Variants in PRKG1 observed in about 807,000 individuals in gnomAD.
PRKG1 encodes protein kinase cGMP-dependent 1, also known as cGMP-dependent protein kinase 1.
In PRKG1, 35 loss-of-function variants were observed where a neutral mutation model predicts 88.1. The observed-to-expected ratio is 0.40, with a 90% CI of 0.30 to 0.53. The LOEUF is 0.53. Among genes scored for constraint, PRKG1 ranks in the 20% least tolerant of loss-of-function variants. The pLI is 0.59. For missense variants in PRKG1, 540 were observed against 839.8 expected (o/e 0.64, Z 4.41); for synonymous variants, 303 against 292.5 (o/e 1.04, Z -0.37).
At chr10:51,636,010 G>T (rs536736604) in intron 3 of PRKG1, among the ~76,000 whole-genome samples, 4 of 152,082 alleles carry the variant, frequency 2.6e-5, no homozygotes, top group Non-Finnish European at 5.9e-5. Flanking sequence ...AATAAATCAG[G>T]AAATCTATGG....
At chr10:51,417,701 T>C (rs554688436) in intron 2 of PRKG1, among the ~76,000 whole-genome samples, 8 of 152,314 alleles carry the variant, frequency 5.3e-5, no homozygotes, top group Middle Eastern at 3.4e-3. Flanking sequence ...TTTTCCCCTA[T>C]GCCATTTTTG....
intron 4 of PRKG1, among the ~76,000 whole-genome samples, chr10:51,882,224 T>C (rs1426298131): frequency 6.6e-6 from 1 of 152,226 alleles, no homozygotes; most frequent in Non-Finnish European, 1.5e-5. Flanking sequence ...TGTTAGAAGC[T>C]GAGATTCCCA....
chr10:52,199,503 T>C (rs1167024619), intron 9 of PRKG1, among the ~76,000 whole-genome samples: 1 of 152,176 alleles, frequency 6.6e-6, no homozygotes, highest in Admixed American at 6.5e-5. Context: ...TTTGTTTATA[T>C]TTTAGGGAAA....
intron 5 of PRKG1, among the ~76,000 whole-genome samples, chr10:51,969,754 A>G (rs140606528): frequency 3.0e-4 from 46 of 152,126 alleles, no homozygotes; most frequent in African/African-American, 1.1e-3. Flanking sequence ...TAAAATATAA[A>G]TATTCACAAC....
At chr10:52,232,811 G>A (rs1032016121) in intron 9 of PRKG1, among the ~76,000 whole-genome samples, 1 of 152,178 alleles carries the variant, frequency 6.6e-6, no homozygotes, top group African/African-American at 2.4e-5. Flanking sequence ...CTCAGGACAA[G>A]TTTCTAAGGC....
At chr10:51,753,031 T>TA (rs1234176842) in intron 3 of PRKG1, among the ~76,000 whole-genome samples, 3 of 152,152 alleles carry the variant, frequency 2.0e-5, no homozygotes, top group Non-Finnish European at 2.9e-5. Context: ...ATGTGTCTGT[T>TA]ACTTGAGTAA....
intron 5 of PRKG1, among the ~76,000 whole-genome samples, chr10:52,003,454 G>A (rs1844650794): frequency 6.6e-6 from 1 of 152,140 alleles, no homozygotes; most frequent in Admixed American, 6.6e-5. Flanking sequence ...GAAACAACTT[G>A]GCTATGAAAC....
intron 7 of PRKG1, among the ~76,000 whole-genome samples, chr10:52,074,444 A>C (rs1207908956): frequency 6.6e-6 from 1 of 152,176 alleles, no homozygotes; most frequent in Non-Finnish European, 1.5e-5. Context: ...TACTTATAAA[A>C]ACAATTCAGT....
At position 52,227,371 on chromosome 10, in the gene PRKG1, A is replaced by C. The variant is rs144867081; in HGVS notation, c.1077-24199A>C. Among the ~76,000 whole-genome samples, 668 of 152,238 alleles carry C rather than the reference A, an allele frequency of 4.4e-3. 6 individuals carry two copies. The highest frequency in any genetic ancestry group is 0.015 in the African/African-American group (636 of 41,534). On this transcript the variant is annotated intron_variant, in intron 9 of 17. Coordinates refer to ENST00000373980, the MANE Select transcript of PRKG1 (RefSeq NM_006258.4). ...TCATTGGATTCAACCAACCACAAAT[A>C]AAAAATATTAGAAAAAGTTGCATTT...
At chr10:51,906,957 G>T (rs1414527767) in intron 4 of PRKG1, among the ~76,000 whole-genome samples, 2 of 152,098 alleles carry the variant, frequency 1.3e-5, no homozygotes, top group Admixed American at 6.5e-5. Context: ...AGTCTGTTTT[G>T]TCAGTCTTAA....
chr10:51,454,176 A>C (rs1261460696), intron 2 of PRKG1, among the ~76,000 whole-genome samples: 1 of 152,078 alleles, frequency 6.6e-6, no homozygotes, highest in Non-Finnish European at 1.5e-5. Context: ...TGCCAAAAGC[A>C]ATCTAAGGAT....
At chr10:51,339,918 A>G (rs1342784540) in intron 2 of PRKG1, among the ~76,000 whole-genome samples, 1 of 152,090 alleles carries the variant, frequency 6.6e-6, no homozygotes, top group Non-Finnish European at 1.5e-5. Flanking sequence ...ATAAATTCCT[A>G]GAAGACTTGC....
At chr10:51,104,104 G>A (rs1158274574) in intron 1 of PRKG1, among the ~76,000 whole-genome samples, 1 of 152,176 alleles carries the variant, frequency 6.6e-6, no homozygotes, top group African/African-American at 2.4e-5. Flanking sequence ...AGTAGGAGTG[G>A]CAGGAAGGGG....
At chr10:51,132,288 T>A (rs1845585134) in intron 1 of PRKG1, among the ~76,000 whole-genome samples, 2 of 152,304 alleles carry the variant, frequency 1.3e-5, no homozygotes, top group African/African-American at 4.8e-5. Context: ...CTTGCCCTAA[T>A]GCAGAGAAAT....
At chr10:51,480,004 CA>C (rs34522970) in intron 3 of PRKG1, among the ~76,000 whole-genome samples, 1,879 of 147,898 alleles carry the variant, frequency 0.013, 29 homozygotes, top group African/African-American at 0.044. Flanking sequence ...AGAGCCATCT[CA>C]AAAAAAAAAA....
At chr10:51,329,926 A>C (rs146202045) in intron 2 of PRKG1, among the ~76,000 whole-genome samples, 3,211 of 144,328 alleles carry the variant, frequency 0.022, 34 homozygotes, top group Middle Eastern at 0.058. Context: ...TGTCTTAGGG[A>C]AATCTTTTTT....
At chr10:51,942,462 T>C (rs1317021167) in intron 5 of PRKG1, among the ~76,000 whole-genome samples, 2 of 151,454 alleles carry the variant, frequency 1.3e-5, no homozygotes, top group East Asian at 3.9e-4. Context: ...TTTAATTAGA[T>C]CCCATTTGTC....
rs878854901 is a variant in PRKG1 at position 51,074,629 on chromosome 10, G to A, written c.39G>A (p.Glu13=). 4.3e-6 allele frequency: 7 copies of A among 1,614,042 alleles called. No homozygotes were observed. The highest frequency in any genetic ancestry group is 1.7e-5 in the Admixed American group (1 of 60,022). ...TLRDLQYALQ[E]KIEELRQRDA... ...GGGATTTACAGTACGCGCTCCAGGA[G>A]AAGATCGAGGAGCTGAGGCAGCGGG... is the stretch of plus-strand genomic sequence containing the variant. The change falls in exon 1 of 18, where the codon GAG becomes GAA. Residue 13 remains glutamate, a synonymous_variant. Coordinates refer to ENST00000373980, the MANE Select transcript of PRKG1 (RefSeq NM_006258.4).
intron 9 of PRKG1, among the ~76,000 whole-genome samples, chr10:52,241,794 G>A (rs560964399): frequency 3.3e-5 from 5 of 152,200 alleles, no homozygotes; most frequent in East Asian, 3.9e-4. Flanking sequence ...TCAATATTTC[G>A]ACTGATCCCT....
Sources: gnomAD v4.1 joint callset for allele counts (sites outside exome capture counted in the v4.1 genomes callset) on GRCh38, gnomAD v4.1.1 for gene constraint, MANE v1.5 for transcripts, NCBI Gene and HGNC (gene_info 2026-07-23, HGNC 2026-07-21) for gene names.